The following KLHL4 variants were observed in gnomAD, a reference collection of about 807,000 sequenced individuals.
The protein encoded by KLHL4 is kelch like family member 4, also known as kelch-like protein 4.
A neutral mutation model predicts 45.8 loss-of-function variants in KLHL4; 17 were observed. That is an observed-to-expected ratio of 0.37 (90% CI 0.25 to 0.56). The LOEUF (loss-of-function observed/expected upper bound fraction) is 0.56, where lower values mean the gene tolerates loss of function less well. Among genes scored for constraint, KLHL4 ranks in the 20% least tolerant of loss-of-function variants. The probability of loss-of-function intolerance (pLI) is 0.79; values close to 1 mark genes in which losing one functional copy is unlikely to be tolerated. For synonymous variants in KLHL4, 224 were observed against 189.9 expected, an observed-to-expected ratio of 1.18 and a Z score of -1.47; for missense variants, 544 against 544.9, an observed-to-expected ratio of 1.00 and a Z score of 0.02.
rs774007032 is a variant in KLHL4, at chrX:87,612,073, T to TA, written c.423-1797dup. ...TGTTTAAAAGTTAAAGTTTGTAAAG[T>TA]AAAAAAAGTTACAGAAAGCTATGAT... On this transcript the variant is annotated intron_variant, in intron 1 of 10. Coordinates refer to ENST00000373119, the MANE Select transcript of KLHL4 (RefSeq NM_019117.5). 1.1e-3 allele frequency among the ~76,000 whole-genome samples: 118 copies of TA among 111,865 alleles called. 1 individual carries two copies. The highest frequency in any genetic ancestry group is 1.8e-3 in the Non-Finnish European group (97 of 53,127).
At position 87,517,845 on chromosome X, in the gene KLHL4, C is replaced by T; in HGVS notation, c.-49C>T. 1.8e-6 allele frequency: 2 copies of T among 1,130,518 alleles called. No homozygotes were observed. Among genetic ancestry groups the T allele is most frequent in the Non-Finnish European group, 2.4e-6 (2 of 844,902 alleles). 93.2% of individuals were successfully genotyped at this position (1,130,518 alleles called of 1,213,427 possible). ...GCAGAAAAACAAGAGATAACAAAGG[C>T]TCCGTTTCCTTTCTGTGAGAGAAGG... is the stretch of plus-strand genomic sequence containing the variant. On this transcript the variant is annotated 5_prime_UTR_variant, in exon 1 of 11. Coordinates refer to ENST00000373119, the MANE Select transcript of KLHL4 (RefSeq NM_019117.5).
intron 9 of KLHL4, among the ~76,000 whole-genome samples, chrX:87,658,600 T>C (rs1481332535): frequency 9.0e-6 from 1 of 111,452 alleles, no homozygotes; most frequent in Non-Finnish European, 1.9e-5. Context: ...TCTCATGCAC[T>C]GGGGACTCAC....
At chrX:87,634,811 C>A (rs986228143) in intron 8 of KLHL4, among the ~76,000 whole-genome samples, 2 of 111,641 alleles carry the variant, frequency 1.8e-5, no homozygotes, top group African/African-American at 6.5e-5. Flanking sequence ...GTTATGTAAT[C>A]TCCTACCTAA....
intron 1 of KLHL4, among the ~76,000 whole-genome samples, chrX:87,552,869 T>G (rs895895174): frequency 9.1e-6 from 1 of 109,967 alleles, no homozygotes; most frequent in East Asian, 2.8e-4. Context: ...ATGGAAAGAA[T>G]AAATAAGAAT....
chrX:87,669,210 G>C lies in KLHL4; in HGVS notation c.*2676G>C. On this transcript the variant is annotated 3_prime_UTR_variant, in exon 11 of 11. Transcript: ENST00000373119. ...GTACTCAGATCTGAAAGACAATGTT[G>C]CTTCTTGATTTTTTTCTATAATCAC... 1 of 1,102,591 alleles carries C rather than the reference G, an allele frequency of 9.1e-7. No individual in the cohort carries two copies. Among genetic ancestry groups the C allele is most frequent in the Non-Finnish European group, 1.2e-6 (1 of 838,655 alleles). The allele number at this position is 1,102,591 out of a possible 1,213,427, so 90.9% of individuals were successfully genotyped here.
chrX:87,584,606 G>A (rs1470874821), intron 1 of KLHL4, among the ~76,000 whole-genome samples: 1 of 110,987 alleles, frequency 9.0e-6, no homozygotes, highest in Admixed American at 9.6e-5. Context: ...AGAGCAGGAT[G>A]GATCTAGCAG....
intron 1 of KLHL4, 22 bp from the exon 2 acceptor site, chrX:87,613,855 C>T: frequency 7.2e-6 from 8 of 1,110,900 alleles, no homozygotes; most frequent in Non-Finnish European, 9.5e-6. Flanking sequence ...GAACCATATT[C>T]TCATCCTTAC....
chrX:87,523,676 G>T (rs1047051322), intron 1 of KLHL4, among the ~76,000 whole-genome samples: 1 of 111,633 alleles, frequency 9.0e-6, no homozygotes, highest in South Asian at 3.7e-4. Context: ...CTGAGTAAAT[G>T]AGAAGGCCGG....
intron 9 of KLHL4, among the ~76,000 whole-genome samples, chrX:87,644,977 G>T (rs1249229464): frequency 1.8e-5 from 2 of 111,609 alleles, no homozygotes; most frequent in Non-Finnish European, 3.8e-5. Context: ...AACCCTTCTA[G>T]ACATTGGTTT....
Position 87,517,847 on chromosome X carries a change from C to G in KLHL4, c.-47C>G. On this transcript the variant is annotated 5_prime_UTR_variant, in exon 1 of 11. Coordinates refer to ENST00000373119, the MANE Select transcript of KLHL4 (RefSeq NM_019117.5). ...AGAAAAACAAGAGATAACAAAGGCTCCGTTTCCTTTCTGTGAGAGAAGGCT... is the reference window on the plus strand; with the variant it reads ...AGAAAAACAAGAGATAACAAAGGCTGCGTTTCCTTTCTGTGAGAGAAGGCT... The G allele has an allele frequency of 1.8e-6, 2 of 1,136,808 alleles. No homozygotes were observed. Among genetic ancestry groups the G allele is most frequent in the Non-Finnish European group, 2.4e-6 (2 of 850,305 alleles). The allele number at this position is 1,136,808 out of a possible 1,213,427, so 93.7% of individuals were successfully genotyped here. A position where few individuals can be genotyped will look rare whatever the true frequency, so the allele number is the denominator to read the frequency against.
At chrX:87,536,396 T>C (rs1323125401) in intron 1 of KLHL4, among the ~76,000 whole-genome samples, 4 of 111,507 alleles carry the variant, frequency 3.6e-5, no homozygotes, top group Non-Finnish European at 5.7e-5. Flanking sequence ...TGATGTAAGA[T>C]TCTTGAAATT....
At chrX:87,604,549 A>C (rs928276879) in intron 1 of KLHL4, among the ~76,000 whole-genome samples, 1 of 110,845 alleles carries the variant, frequency 9.0e-6, no homozygotes, top group Admixed American at 9.6e-5. Context: ...TTTATATACC[A>C]GTTGGCCATT....
At chrX:87,557,263 A>G (rs1931998697) in intron 1 of KLHL4, among the ~76,000 whole-genome samples, 1 of 111,758 alleles carries the variant, frequency 8.9e-6, no homozygotes, top group Non-Finnish European at 1.9e-5. Context: ...TTGTGTACCC[A>G]GTGAATAGAA....
At chrX:87,549,903 AAAT>A (rs906845387) in intron 1 of KLHL4, among the ~76,000 whole-genome samples, 11 of 111,381 alleles carry the variant, frequency 9.9e-5, no homozygotes, top group Non-Finnish European at 1.9e-4. Flanking sequence ...TATTAGAAAA[AAAT>A]AATAAAGATG....
intron 1 of KLHL4, among the ~76,000 whole-genome samples, chrX:87,596,092 G>T (rs752242347): frequency 5.0e-4 from 56 of 111,073 alleles, no homozygotes; most frequent in Non-Finnish European, 9.2e-4. Flanking sequence ...TCCTGCTCTG[G>T]CCATGTGACA....
At chrX:87,608,165 A>T (rs1377058983) in intron 1 of KLHL4, among the ~76,000 whole-genome samples, 1 of 112,126 alleles carries the variant, frequency 8.9e-6, no homozygotes, top group African/African-American at 3.2e-5. Context: ...TTTAAAATGT[A>T]TTCAGAATTT....
At chrX:87,559,576 C>A (rs1167306403) in intron 1 of KLHL4, among the ~76,000 whole-genome samples, 1 of 111,308 alleles carries the variant, frequency 9.0e-6, no homozygotes, top group African/African-American at 3.3e-5. Context: ...AAATAAAAAC[C>A]AAGAAAGTGT....
At position 87,563,922 on chromosome X, in the gene KLHL4, C is replaced by T. The variant is rs183561675; in HGVS notation, c.422+45607C>T. ...CTGGCAGCTGACTTTCCTAGACAAA[C>T]AAAAGCTTAGACAGACTTTCTTAGA... is the stretch of plus-strand genomic sequence containing the variant. On this transcript the variant is annotated intron_variant, in intron 1 of 10. Transcript: ENST00000373119. 2.7e-5 allele frequency among the ~76,000 whole-genome samples: 3 copies of T among 110,630 alleles called. No individual in the cohort carries two copies. The South Asian group carries it at 1.2e-3, about 43-fold the overall frequency.
chrX:87,565,229 C>A (rs1181608821), intron 1 of KLHL4, among the ~76,000 whole-genome samples: 4 of 100,280 alleles, frequency 4.0e-5, no homozygotes, highest in South Asian at 9.4e-4. Flanking sequence ...TACATTATAA[C>A]CTATTTTTAT....
Sources: gnomAD v4.1 joint callset for allele counts (sites outside exome capture counted in the v4.1 genomes callset) on GRCh38, gnomAD v4.1.1 for gene constraint, MANE v1.5 for transcripts, NCBI Gene and HGNC (gene_info 2026-07-23, HGNC 2026-07-21) for gene names.